Variants in ARHGAP15 observed in about 807,000 individuals in gnomAD.
ARHGAP15 encodes the protein rho GTPase-activating protein 15.
In ARHGAP15, 51 loss-of-function variants were observed where a neutral mutation model predicts 63.7. That is an observed-to-expected ratio of 0.80 (90% CI 0.64 to 1.01). ARHGAP15 has a LOEUF of 1.01. Among genes scored for constraint, ARHGAP15 ranks in the 50% least tolerant of loss-of-function variants. The probability of loss-of-function intolerance (pLI) is 0.00; values close to 1 mark genes in which losing one functional copy is unlikely to be tolerated. For synonymous variants in ARHGAP15, 191 were observed against 193.8 expected, an observed-to-expected ratio of 0.99 and a Z score of 0.12; for missense variants, 560 against 564.6, an observed-to-expected ratio of 0.99 and a Z score of 0.08.
At chr2:143,317,513 T>C (rs1463821301) in intron 6 of ARHGAP15, among the ~76,000 whole-genome samples, 1 of 152,176 alleles carries the variant, frequency 6.6e-6, no homozygotes, top group Non-Finnish European at 1.5e-5. Flanking sequence ...GAGAAGTAGG[T>C]GATATAGTGA....
rs568897422 is a variant in ARHGAP15 at position 143,394,635 on chromosome 2, C to A, written c.475-40966C>A. On this transcript the variant is annotated intron_variant, in intron 6 of 13. Transcript: ENST00000295095. ...AACAACAGAAATTAAAATATGAAGA[C>A]TTTCCCAGGTTAGGGAAGCCATGTT... Among the ~76,000 whole-genome samples the A allele has an allele frequency of 2.1e-4, 32 of 152,302 alleles. No homozygotes were observed. In the South Asian group the frequency reaches 6.4e-3, roughly 31 times the overall value.
At chr2:143,734,022 C>G (rs1223608586) in intron 13 of ARHGAP15, among the ~76,000 whole-genome samples, 1 of 152,150 alleles carries the variant, frequency 6.6e-6, no homozygotes, top group African/African-American at 2.4e-5. Context: ...AACTATAACC[C>G]TGCCCCCATT....
chr2:143,398,458 G>A (rs1687863765), intron 6 of ARHGAP15, among the ~76,000 whole-genome samples: 1 of 152,000 alleles, frequency 6.6e-6, no homozygotes, highest in Non-Finnish European at 1.5e-5. Flanking sequence ...TCAGTTCATA[G>A]GCACAGATGA....
At chr2:143,216,301 T>C (rs1276376305) in intron 3 of ARHGAP15, 83 bp from the exon 4 acceptor site, 5 of 1,060,382 alleles carry the variant, frequency 4.7e-6, no homozygotes, top group East Asian at 2.4e-5. Flanking sequence ...GTCACTGCAA[T>C]GACTCTTGAA....
intron 6 of ARHGAP15, among the ~76,000 whole-genome samples, chr2:143,429,552 T>A (rs1689293004): frequency 6.6e-6 from 1 of 152,150 alleles, no homozygotes; most frequent in African/African-American, 2.4e-5. Flanking sequence ...GTTATTTTGA[T>A]ATGATGACAC....
chr2:143,276,432 G>T (rs1421357433), intron 6 of ARHGAP15, among the ~76,000 whole-genome samples: 2 of 152,190 alleles, frequency 1.3e-5, no homozygotes, highest in African/African-American at 4.8e-5. Context: ...ACAGAGGTGG[G>T]TTGCCTGTAG....
intron 12 of ARHGAP15, among the ~76,000 whole-genome samples, chr2:143,647,445 G>A (rs1400734334): frequency 1.3e-5 from 2 of 151,512 alleles, no homozygotes; most frequent in East Asian, 1.9e-4. Context: ...AGTGCTGATC[G>A]AAGGATTATG....
chr2:143,447,718 A>G lies in ARHGAP15; in HGVS notation c.703+10676A>G, dbSNP rs184786968. ...ATTAGCTTGGCTCAAAAGTAATTGC[A>G]GTTTTGCCATTTTTTAAACCTCGTT... On this transcript the variant is annotated intron_variant, in intron 8 of 13. Coordinates refer to ENST00000295095, the MANE Select transcript of ARHGAP15 (RefSeq NM_018460.4). 9.2e-5 allele frequency among the ~76,000 whole-genome samples: 14 copies of G among 152,316 alleles called. No individual in the cohort carries two copies. The East Asian group carries it at 2.3e-3, about 25-fold the overall frequency.
At chr2:143,439,666 G>A (rs563411294) in intron 8 of ARHGAP15, among the ~76,000 whole-genome samples, 1 of 151,930 alleles carries the variant, frequency 6.6e-6, no homozygotes, top group African/African-American at 2.4e-5. Context: ...ATTTTATAGA[G>A]GAGAAAACTG....
At chr2:143,153,518 C>T (rs1383856274) in intron 1 of ARHGAP15, among the ~76,000 whole-genome samples, 1 of 151,906 alleles carries the variant, frequency 6.6e-6, no homozygotes, top group Non-Finnish European at 1.5e-5. Context: ...TTTCTATAAA[C>T]ATCTTCGTGA....
chr2:143,591,828 C>T (rs1157877249), intron 11 of ARHGAP15, among the ~76,000 whole-genome samples: 1 of 151,958 alleles, frequency 6.6e-6, no homozygotes, highest in African/African-American at 2.4e-5. Flanking sequence ...CCATGTTGGC[C>T]AGGCTGGTCT....
intron 13 of ARHGAP15, among the ~76,000 whole-genome samples, chr2:143,719,171 T>C (rs1684939844): frequency 6.6e-6 from 1 of 152,252 alleles, no homozygotes; most frequent in African/African-American, 2.4e-5. Context: ...CTCCATGAAC[T>C]GATGGTCAAT....
intron 2 of ARHGAP15, among the ~76,000 whole-genome samples, chr2:143,165,989 A>AAG (rs1466752483): frequency 1.8e-4 from 25 of 135,334 alleles, no homozygotes; most frequent in African/African-American, 7.3e-4. Context: ...AAAGAAAGAA[A>AAG]GAAAGAAAGA....
At chr2:143,207,328 C>A (rs185935426) in intron 3 of ARHGAP15, among the ~76,000 whole-genome samples, 1 of 152,102 alleles carries the variant, frequency 6.6e-6, no homozygotes, top group African/African-American at 2.4e-5. Flanking sequence ...GCCCCAATGA[C>A]CTTGGAAAAG....
chr2:143,550,347 G>T (rs757020298), intron 10 of ARHGAP15, among the ~76,000 whole-genome samples: 2 of 152,172 alleles, frequency 1.3e-5, no homozygotes, highest in African/African-American at 4.8e-5. Context: ...GATGGGTAAA[G>T]TAAGAAAAAT....
chr2:143,456,344 G>T (rs983679121), intron 8 of ARHGAP15, among the ~76,000 whole-genome samples: 3 of 151,986 alleles, frequency 2.0e-5, no homozygotes, highest in Non-Finnish European at 2.9e-5. Context: ...CTTAATTGGA[G>T]GTTGTAGAGA....
In ARHGAP15 at chr2:143,250,608, T is replaced by C. The variant is rs113265544; in HGVS notation, c.474+8T>C. 43 of 1,605,894 alleles carry C rather than the reference T, an allele frequency of 2.7e-5. No individual in the cohort carries two copies. In the African/African-American group the frequency reaches 3.3e-4, roughly 12 times the overall value. On this transcript the variant is annotated splice_region_variant and intron_variant, in intron 6 of 13. Coordinates refer to ENST00000295095, the MANE Select transcript of ARHGAP15 (RefSeq NM_018460.4). Reference sequence around the variant, plus strand: ...AGAAAGAATGTCTTTCAGGTAAGAATGTTACATATATTCAATTTATTCCTA... The same window carrying C: ...AGAAAGAATGTCTTTCAGGTAAGAACGTTACATATATTCAATTTATTCCTA...
At chr2:143,525,355 CA>C (rs11291093) in intron 10 of ARHGAP15, among the ~76,000 whole-genome samples, 46,280 of 139,296 alleles carry the variant, frequency 0.33, 7,614 homozygotes, top group East Asian at 0.45. Flanking sequence ...TTACATGCTC[CA>C]AAAAAAAAAA....
chr2:143,654,087 A>T (rs1681310631), intron 12 of ARHGAP15, among the ~76,000 whole-genome samples: 1 of 152,172 alleles, frequency 6.6e-6, no homozygotes, highest in Admixed American at 6.5e-5. Context: ...TATTTAAGCA[A>T]TATTCAGGGA....
Sources: allele counts gnomAD v4.1 joint callset (sites outside exome capture counted in the v4.1 genomes callset), GRCh38; gene constraint gnomAD v4.1.1; transcripts MANE v1.5; gene names NCBI Gene and HGNC (gene_info 2026-07-23, HGNC 2026-07-21).